CPED1: variants seen among roughly 807,000 people sequenced by gnomAD.
CPED1 encodes the protein cadherin-like and PC-esterase domain-containing protein 1.
A neutral mutation model predicts 128.2 loss-of-function variants in CPED1; 114 were observed. The observed-to-expected ratio is 0.89, with a 90% confidence interval of 0.76 to 1.04. The LOEUF is 1.04. CPED1 is among the 50% of genes least tolerant of loss of function. The pLI is 0.00. For missense variants in CPED1, 1,211 were observed against 1,207.1 expected, an observed-to-expected ratio of 1.00 and a Z score of -0.05; for synonymous variants, 462 against 426.7, an observed-to-expected ratio of 1.08 and a Z score of -1.02.
intron 5 of CPED1, among the ~76,000 whole-genome samples, chr7:121,086,598 G>A (rs915946419): frequency 7.9e-5 from 12 of 152,122 alleles, no homozygotes; most frequent in African/African-American, 2.9e-4. Context: ...AGACTCCTGG[G>A]ACTGGTAGAT....
At chr7:121,209,190 C>T (rs1057301969) in intron 16 of CPED1, among the ~76,000 whole-genome samples, 7 of 151,980 alleles carry the variant, frequency 4.6e-5, no homozygotes, top group Admixed American at 1.3e-4. Context: ...TTGCCACATA[C>T]GAGTTTTTCA....
chr7:121,026,962 C>T lies in CPED1; in HGVS notation c.433+11114C>T, dbSNP rs578015057. On this transcript the variant is annotated intron_variant, in intron 3 of 22. Transcript: ENST00000310396. ...CCTCCCACCTCAATCCCTGAGTAGC[C>T]AGCACTACAGGAGCGTGCCACCAAG... Among the ~76,000 whole-genome samples, 179 of 151,046 alleles carry T rather than the reference C, an allele frequency of 1.2e-3. 1 individual carries two copies. The highest frequency in any genetic ancestry group is 4.0e-3 in the African/African-American group (165 of 41,120).
chr7:121,043,380 G>T (rs1262196758), intron 3 of CPED1, among the ~76,000 whole-genome samples: 5 of 152,146 alleles, frequency 3.3e-5, no homozygotes, highest in African/African-American at 1.2e-4. Context: ...GGAATTGAAT[G>T]ACCTTCCCCA....
intron 4 of CPED1, among the ~76,000 whole-genome samples, chr7:121,047,664 CT>C (rs1793235516): frequency 9.9e-5 from 1 of 10,114 alleles, no homozygotes; most frequent in Non-Finnish European, 2.5e-4. Context: ...TCTTCTTCTT[CT>C]TCTTCTTCTT....
At chr7:121,067,688 C>T (rs7786867) in intron 5 of CPED1, among the ~76,000 whole-genome samples, 58,589 of 151,998 alleles carry the variant, frequency 0.39, 12,034 homozygotes, top group East Asian at 0.61. Flanking sequence ...GGAATCGCCA[C>T]GCTGACTTCC....
chr7:121,159,239 A>G (rs1478539675), intron 16 of CPED1, among the ~76,000 whole-genome samples: 3 of 152,152 alleles, frequency 2.0e-5, no homozygotes, highest in Non-Finnish European at 4.4e-5. Flanking sequence ...AATGGTATAA[A>G]TTTTAGATTT....
At chr7:121,140,739 C>A in intron 14 of CPED1, 88 bp from the exon 15 acceptor site, 1 of 948,326 alleles carries the variant, frequency 1.1e-6, no homozygotes, top group Admixed American at 2.8e-5. Flanking sequence ...TCAAAGGAAA[C>A]AGAAAAAGAA....
At chr7:121,035,816 G>A (rs1004533118) in intron 3 of CPED1, among the ~76,000 whole-genome samples, 25 of 151,236 alleles carry the variant, frequency 1.7e-4, no homozygotes, top group Non-Finnish European at 5.9e-5. Context: ...CTAGGTGACC[G>A]AGTGAGACCC....
chr7:121,011,839 A>G (rs1435046852), intron 2 of CPED1, among the ~76,000 whole-genome samples: 1 of 152,214 alleles, frequency 6.6e-6, no homozygotes, highest in Non-Finnish European at 1.5e-5. Flanking sequence ...TTTTTAGGAC[A>G]TAGATCAAAC....
chr7:121,059,094 A>G (rs1279516182), intron 4 of CPED1, among the ~76,000 whole-genome samples: 1 of 152,202 alleles, frequency 6.6e-6, no homozygotes, highest in Non-Finnish European at 1.5e-5. Flanking sequence ...TATTTGGGGT[A>G]ACACTAAGTT....
intron 3 of CPED1, among the ~76,000 whole-genome samples, chr7:121,024,944 T>A (rs527559516): frequency 1.3e-5 from 2 of 152,320 alleles, no homozygotes; most frequent in South Asian, 4.1e-4. Flanking sequence ...CAATGCATTA[T>A]CCAGTTTAGC....
In CPED1 at chr7:121,201,903, T is replaced by C. The variant is rs1368745226; in HGVS notation, c.2056-34811T>C. 5.9e-5 allele frequency among the ~76,000 whole-genome samples: 9 copies of C among 152,228 alleles called. No homozygotes were observed. The East Asian group carries it at 1.6e-3, about 26-fold the overall frequency. ...CATTTCCTCCATATTCCACCACTGA[T>C]GGCAATTTTTTAATGTTAGATGAAA... is the stretch of plus-strand genomic sequence containing the variant. On this transcript the variant is annotated intron_variant, in intron 16 of 22. Transcript: ENST00000310396.
intron 16 of CPED1, among the ~76,000 whole-genome samples, chr7:121,204,164 A>C (rs1161736465): frequency 6.6e-6 from 1 of 152,114 alleles, no homozygotes; most frequent in Non-Finnish European, 1.5e-5. Context: ...TCTTTGTTCC[A>C]AAATTGGAGA....
At chr7:121,122,218 A>G (rs973283018) in intron 7 of CPED1, among the ~76,000 whole-genome samples, 4 of 143,878 alleles carry the variant, frequency 2.8e-5, no homozygotes, top group African/African-American at 1.0e-4. Context: ...TCGGATCACT[A>G]CAGCATCTGC....
chr7:121,199,412 G>C (rs1012304844), intron 16 of CPED1, among the ~76,000 whole-genome samples: 2 of 152,014 alleles, frequency 1.3e-5, no homozygotes, highest in African/African-American at 4.8e-5. Flanking sequence ...GAGCGCGGTG[G>C]CTCACACCTA....
intron 7 of CPED1, among the ~76,000 whole-genome samples, chr7:121,105,156 G>A (rs1794944062): frequency 6.6e-6 from 1 of 152,054 alleles, no homozygotes; most frequent in Non-Finnish European, 1.5e-5. Flanking sequence ...GAGAACTGTG[G>A]CAAAGAGAGG....
At chr7:121,111,360 T>C (rs968168680) in intron 7 of CPED1, among the ~76,000 whole-genome samples, 31 of 152,220 alleles carry the variant, frequency 2.0e-4, no homozygotes, top group African/African-American at 7.2e-4. Context: ...AGAATAACTG[T>C]AGCTATTTGC....
chr7:121,038,598 T>C (rs1792963543), intron 3 of CPED1, among the ~76,000 whole-genome samples: 1 of 152,116 alleles, frequency 6.6e-6, no homozygotes, highest in African/African-American at 2.4e-5. Context: ...TCAGACTTTT[T>C]AAAAACTGAA....
At chr7:121,247,461 A>G (rs1798563869) in intron 18 of CPED1, among the ~76,000 whole-genome samples, 1 of 152,224 alleles carries the variant, frequency 6.6e-6, no homozygotes, top group South Asian at 2.1e-4. Context: ...CAAGTAAACC[A>G]ACATTTGGAC....
Sources: allele counts gnomAD v4.1 joint callset (sites outside exome capture counted in the v4.1 genomes callset), GRCh38; gene constraint gnomAD v4.1.1; transcripts MANE v1.5; gene names NCBI Gene and HGNC (gene_info 2026-07-23, HGNC 2026-07-21).